The following CAMTA1 variants were observed in gnomAD, a reference collection of about 807,000 sequenced individuals.
The protein encoded by CAMTA1 is calmodulin binding transcription activator 1, also known as calmodulin-binding transcription activator 1.
CAMTA1 carries 27 observed loss-of-function variants against 170.9 expected under a neutral mutation model. The observed-to-expected ratio is 0.16, with a 90% confidence interval of 0.12 to 0.22. The LOEUF is 0.22. Ranked by LOEUF, CAMTA1 falls within the 10% of genes least tolerant of loss-of-function variation. CAMTA1 has a pLI of 1.00. For synonymous variants in CAMTA1, 833 were observed against 891.5 expected (o/e 0.93, Z 1.17); for missense variants, 1,619 against 2,217.2 (o/e 0.73, Z 5.42).
At chr1:7,668,926 T>C (rs2096028660) in intron 9 of CAMTA1, among the ~76,000 whole-genome samples, 2 of 152,198 alleles carry the variant, frequency 1.3e-5, no homozygotes, top group Non-Finnish European at 2.9e-5. Flanking sequence ...GAGCTGGCCT[T>C]CTGGTGCTTC....
intron 3 of CAMTA1, among the ~76,000 whole-genome samples, chr1:6,945,457 T>C (rs532540763): frequency 2.0e-5 from 3 of 152,078 alleles, no homozygotes; most frequent in Non-Finnish European, 4.4e-5. Context: ...TAGGTGATCC[T>C]CCCACCTCAG....
At chr1:7,717,558 C>T (rs891977182) in intron 11 of CAMTA1, among the ~76,000 whole-genome samples, 2 of 151,816 alleles carry the variant, frequency 1.3e-5, no homozygotes, top group Non-Finnish European at 2.9e-5. Context: ...TTAGCCTGGG[C>T]AACATAGTGA....
intron 1 of CAMTA1, among the ~76,000 whole-genome samples, chr1:6,795,319 C>G (rs1204601519): frequency 6.6e-6 from 1 of 152,000 alleles, no homozygotes; most frequent in Non-Finnish European, 1.5e-5. Context: ...CCCTGAGTGA[C>G]TGGGACTACA....
chr1:6,909,635 C>A (rs903559340), intron 3 of CAMTA1, among the ~76,000 whole-genome samples: 2 of 152,224 alleles, frequency 1.3e-5, no homozygotes, highest in African/African-American at 4.8e-5. Context: ...TCCTAAGGGG[C>A]CTCTGCCTGC....
intron 3 of CAMTA1, among the ~76,000 whole-genome samples, chr1:6,827,840 A>G (rs1647680900): frequency 6.6e-6 from 1 of 152,148 alleles, no homozygotes; most frequent in African/African-American, 2.4e-5. Flanking sequence ...TTCCTTCCAG[A>G]GTTGGAATAG....
At chr1:7,104,109 CAT>C (rs1466067538) in intron 4 of CAMTA1, among the ~76,000 whole-genome samples, 7 of 114,114 alleles carry the variant, frequency 6.1e-5, no homozygotes, top group African/African-American at 1.3e-4. Flanking sequence ...CAACTACACA[CAT>C]GTACACACAA....
At chr1:7,384,937 T>G (rs1327263437) in intron 5 of CAMTA1, among the ~76,000 whole-genome samples, 1 of 152,074 alleles carries the variant, frequency 6.6e-6, no homozygotes. Flanking sequence ...AGCGTGGGGA[T>G]GGGCCCAGGA....
chr1:7,673,795 C>A lies in CAMTA1; in HGVS notation c.2779+2758C>A, dbSNP rs200684792. Among the ~76,000 whole-genome samples the A allele has an allele frequency of 1.5e-3, 222 of 152,292 alleles. No individual in the cohort carries two copies. The highest frequency in any genetic ancestry group is 5.0e-3 in the East Asian group (26 of 5,188). ...TAAAACAGCACTGGATGTATTAATTCATTCATTCATTTCTTCATTTGCCAA... is the reference window on the plus strand; with the variant it reads ...TAAAACAGCACTGGATGTATTAATTAATTCATTCATTTCTTCATTTGCCAA... On this transcript the variant is annotated intron_variant, in intron 10 of 22. Coordinates refer to ENST00000303635, the MANE Select transcript of CAMTA1 (RefSeq NM_015215.4). This position sits in a 1 kb window ranked among gnomAD's most constrained non-coding sequence, Gnocchi z 4.6.
At chr1:7,338,600 T>C (rs1004185318) in intron 5 of CAMTA1, among the ~76,000 whole-genome samples, 1 of 152,076 alleles carries the variant, frequency 6.6e-6, no homozygotes, top group African/African-American at 2.4e-5. Context: ...CCTCATGGAG[T>C]GCACATGGGA....
chr1:7,191,138 T>C (rs544781258), intron 4 of CAMTA1, among the ~76,000 whole-genome samples: 42 of 152,378 alleles, frequency 2.8e-4, no homozygotes, highest in African/African-American at 1.0e-3. Flanking sequence ...TAAGAGCCCT[T>C]GGGCATGGGA....
chr1:7,671,159 C>G (rs901216371), intron 10 of CAMTA1, 122 bp downstream of exon 10: 5 of 1,105,698 alleles, frequency 4.5e-6, no homozygotes, highest in Non-Finnish European at 6.5e-6. Context: ...TCAGTTTCCT[C>G]GGCTGTGAAG....
At chr1:7,715,755 C>T (rs1438935781) in intron 11 of CAMTA1, among the ~76,000 whole-genome samples, 1 of 152,160 alleles carries the variant, frequency 6.6e-6, no homozygotes, top group Non-Finnish European at 1.5e-5. Context: ...GGGTAGGGTG[C>T]CAAGGGATAC....
intron 6 of CAMTA1, among the ~76,000 whole-genome samples, chr1:7,636,190 A>C (rs1012910496): frequency 2.2e-4 from 33 of 151,484 alleles, no homozygotes; most frequent in Admixed American, 9.2e-4. Flanking sequence ...CCTGAGTTGA[A>C]AGGGGTAGAT....
intron 1 of CAMTA1, among the ~76,000 whole-genome samples, chr1:6,791,599 C>T (rs1384486377): frequency 3.3e-5 from 5 of 152,134 alleles, no homozygotes; most frequent in Admixed American, 6.5e-5. Context: ...GTATGGGGGC[C>T]TCTCCTAATG....
In CAMTA1 at chr1:7,007,850, T is replaced by C. The variant is rs539565141; in HGVS notation, c.235-83454T>C. ...ACCTCTCCAGAGGCCCGGCACACAGTAGGCACTCAATGGTTGTAAACTGTA... is the reference window on the plus strand; with the variant it reads ...ACCTCTCCAGAGGCCCGGCACACAGCAGGCACTCAATGGTTGTAAACTGTA... On this transcript the variant is annotated intron_variant, in intron 3 of 22. Transcript: ENST00000303635. This position sits in a 1 kb window ranked among gnomAD's most constrained non-coding sequence, Gnocchi z 4.5. 2.1e-4 allele frequency among the ~76,000 whole-genome samples: 32 copies of C among 152,244 alleles called. No individual in the cohort carries two copies. In the East Asian group the frequency reaches 6.2e-3, roughly 30 times the overall value.
At chr1:7,566,557 G>A (rs2095045015) in intron 6 of CAMTA1, among the ~76,000 whole-genome samples, 2 of 152,224 alleles carry the variant, frequency 1.3e-5, no homozygotes, top group Admixed American at 6.5e-5. Context: ...CCTGGCCTAA[G>A]CAGGCAGGCA....
chr1:7,254,864 G>A (rs1667126461), intron 5 of CAMTA1, among the ~76,000 whole-genome samples: 1 of 152,206 alleles, frequency 6.6e-6, no homozygotes, highest in Non-Finnish European at 1.5e-5. Context: ...CATGTATGGT[G>A]CCCAAATCAA....
chr1:7,757,884 A>T (rs562438595), intron 22 of CAMTA1, among the ~76,000 whole-genome samples: 1 of 152,338 alleles, frequency 6.6e-6, no homozygotes, highest in Middle Eastern at 3.4e-3. Flanking sequence ...TTAACTAATT[A>T]ATCCTCTCTA....
chr1:7,027,223 G>A (rs1399578350), intron 3 of CAMTA1, among the ~76,000 whole-genome samples: 2 of 151,938 alleles, frequency 1.3e-5, no homozygotes, highest in South Asian at 2.1e-4. Flanking sequence ...AAATGTCTTC[G>A]GTTTGTATTT....
Sources: allele counts gnomAD v4.1 joint callset (sites outside exome capture counted in the v4.1 genomes callset), GRCh38; gene constraint gnomAD v4.1.1; non-coding constraint Gnocchi (gnomAD v3.1); transcripts MANE v1.5; gene names NCBI Gene and HGNC (gene_info 2026-07-23, HGNC 2026-07-21).